SHISA9: variants seen among roughly 807,000 people sequenced by gnomAD.
SHISA9 encodes shisa family member 9, also known as protein shisa-9.
SHISA9 carries 13 observed loss-of-function variants against 38.0 expected under a neutral mutation model. That is an observed-to-expected ratio of 0.34 (90% CI 0.22 to 0.54). The LOEUF (loss-of-function observed/expected upper bound fraction) is 0.54. Ranked by LOEUF, SHISA9 falls within the 20% of genes least tolerant of loss-of-function variation. SHISA9 has a pLI of 0.91. For synonymous variants in SHISA9, 275 were observed against 242.0 expected, an observed-to-expected ratio of 1.14 and a Z score of -1.27; for missense variants, 538 against 575.8, an observed-to-expected ratio of 0.93 and a Z score of 0.67.
chr16:13,018,401 C>A (rs190706931), intron 2 of SHISA9, among the ~76,000 whole-genome samples: 14 of 152,190 alleles, frequency 9.2e-5, no homozygotes, highest in Non-Finnish European at 1.5e-4. Flanking sequence ...TGCCTGTTTC[C>A]TTTCTGTTCT....
At chr16:13,033,665 G>A (rs553419776) in intron 2 of SHISA9, among the ~76,000 whole-genome samples, 87 of 152,272 alleles carry the variant, frequency 5.7e-4, no homozygotes, top group African/African-American at 2.1e-3. Context: ...ACTGCCAGGA[G>A]CTCACTGTTA....
chr16:12,924,188 A>T (rs144023106), intron 2 of SHISA9, among the ~76,000 whole-genome samples: 1,594 of 152,240 alleles, frequency 0.01, 10 homozygotes, highest in Middle Eastern at 0.048. Context: ...ACTGTAGTGG[A>T]GCAGGTTCTC....
intron 2 of SHISA9, among the ~76,000 whole-genome samples, chr16:13,078,202 C>A (rs1050987693): frequency 6.6e-5 from 10 of 152,146 alleles, no homozygotes; most frequent in Non-Finnish European, 1.5e-4. Flanking sequence ...CAGGACCCCC[C>A]AAGGATACCA....
At chr16:13,475,819 T>C in the SHISA9 span, among the ~76,000 whole-genome samples, 1 of 152,130 alleles carries the variant, frequency 6.6e-6, no homozygotes, top group Non-Finnish European at 1.5e-5. Context: ...TGACAGATCA[T>C]CAGGTGTTAG....
At chr16:13,114,500 C>T (rs980735238) in intron 2 of SHISA9, among the ~76,000 whole-genome samples, 8 of 144,986 alleles carry the variant, frequency 5.5e-5, no homozygotes, top group South Asian at 2.2e-4. Flanking sequence ...ACGAAAAATA[C>T]GAAGAACTAG....
chr16:13,301,306 G>A, the SHISA9 span, among the ~76,000 whole-genome samples: 1 of 152,316 alleles, frequency 6.6e-6, no homozygotes, highest in African/African-American at 2.4e-5. Flanking sequence ...ACTTTAATGT[G>A]CAGAAGAACC....
At chr16:13,006,723 T>C (rs1024984006) in intron 2 of SHISA9, among the ~76,000 whole-genome samples, 3 of 152,198 alleles carry the variant, frequency 2.0e-5, no homozygotes, top group Non-Finnish European at 2.9e-5. Flanking sequence ...CACAGCTGAT[T>C]AGGGGGAAAT....
the SHISA9 span, among the ~76,000 whole-genome samples, chr16:13,519,104 A>G: frequency 6.6e-6 from 1 of 152,344 alleles, no homozygotes; most frequent in South Asian, 2.1e-4. Context: ...CACAAAAAAG[A>G]GAAAGAAAAA....
the SHISA9 span, among the ~76,000 whole-genome samples, chr16:13,511,539 A>G: frequency 6.6e-6 from 1 of 152,206 alleles, no homozygotes; most frequent in Non-Finnish European, 1.5e-5. Context: ...TAAAGGTAAC[A>G]TGTGTTTTCC....
chr16:13,163,681 AGTTTTTATT>A, intron 2 of SHISA9, among the ~76,000 whole-genome samples: 1 of 152,098 alleles, frequency 6.6e-6, no homozygotes, highest in East Asian at 1.9e-4. Context: ...AAGTTTTTAT[AGTTTTTATT>A]GTACAGGCCT....
chr16:13,420,293 G>T, the SHISA9 span, among the ~76,000 whole-genome samples: 1 of 142,984 alleles, frequency 7.0e-6, no homozygotes, highest in Non-Finnish European at 1.5e-5. Flanking sequence ...CTCAGCAGGC[G>T]TTTACTGTAG....
the SHISA9 span, among the ~76,000 whole-genome samples, chr16:13,553,405 T>C: frequency 6.6e-6 from 1 of 152,228 alleles, no homozygotes; most frequent in Non-Finnish European, 1.5e-5. Context: ...TTTTAAGTTT[T>C]ACCGCAAATC....
intron 2 of SHISA9, among the ~76,000 whole-genome samples, chr16:13,007,691 T>G (rs2072615969): frequency 6.6e-6 from 1 of 152,240 alleles, no homozygotes; most frequent in African/African-American, 2.4e-5. Context: ...CATGCAGATC[T>G]GCTCACTGTT....
At chr16:13,207,808 G>C (rs1225139964) in intron 3 of SHISA9, among the ~76,000 whole-genome samples, 1 of 152,198 alleles carries the variant, frequency 6.6e-6, no homozygotes, top group Non-Finnish European at 1.5e-5. Flanking sequence ...TGTGATCATG[G>C]TGTGAATGAT....
At chr16:13,066,412 T>C (rs981371358) in intron 2 of SHISA9, among the ~76,000 whole-genome samples, 16 of 152,228 alleles carry the variant, frequency 1.1e-4, no homozygotes, top group Admixed American at 5.9e-4. Flanking sequence ...GATATGTTTA[T>C]TCATTTTCTG....
chr16:13,014,008 C>T (rs992378366), intron 2 of SHISA9, among the ~76,000 whole-genome samples: 7 of 152,164 alleles, frequency 4.6e-5, no homozygotes, highest in Non-Finnish European at 7.3e-5. Flanking sequence ...GGATTACAGG[C>T]GTGAACCACC....
At chr16:13,039,848 G>T (rs2073114466) in intron 2 of SHISA9, among the ~76,000 whole-genome samples, 1 of 152,146 alleles carries the variant, frequency 6.6e-6, no homozygotes, top group Non-Finnish European at 1.5e-5. Flanking sequence ...GGCCCTGACA[G>T]TTTACAGCTG....
intron 2 of SHISA9, among the ~76,000 whole-genome samples, chr16:13,077,243 C>CTTT (rs11320901): frequency 1.2e-3 from 169 of 145,222 alleles, no homozygotes; most frequent in African/African-American, 3.0e-3. Flanking sequence ...TCTTCTTCTT[C>CTTT]TTTTTTTTTT....
chr16:13,560,575 T>C, the SHISA9 span, among the ~76,000 whole-genome samples: 1 of 152,184 alleles, frequency 6.6e-6, no homozygotes, highest in Non-Finnish European at 1.5e-5. Context: ...AATTGTTAAT[T>C]GTTTTAAAGA....
Sources: allele counts gnomAD v4.1 joint callset (sites outside exome capture counted in the v4.1 genomes callset), GRCh38; gene constraint gnomAD v4.1.1; transcripts MANE v1.5; gene names NCBI Gene and HGNC (gene_info 2026-07-23, HGNC 2026-07-21).